Variants in NAV3 observed in about 807,000 individuals in gnomAD.
NAV3 encodes the protein pore membrane and/or filament interacting like protein 1.
A neutral mutation model predicts 244.7 loss-of-function variants in NAV3; 87 were observed. The observed-to-expected ratio is 0.36, with a 90% CI of 0.30 to 0.42. The LOEUF is 0.42. Ranked by LOEUF, NAV3 falls within the 20% of genes least tolerant of loss-of-function variation. The pLI is 1.00. For synonymous variants in NAV3, 1,126 were observed against 1,042.2 expected (o/e 1.08, Z -1.55); for missense variants, 2,663 against 2,893.3 (o/e 0.92, Z 1.83).
At chr12:77,737,133 A>T (rs2049584) in intron 2 of NAV3, among the ~76,000 whole-genome samples, 2 of 123,560 alleles carry the variant, frequency 1.6e-5, no homozygotes, top group Admixed American at 7.3e-5. Context: ...GGAAACATTT[A>T]AAAAAAAAAT....
At chr12:78,143,913 G>A (rs769330440) in intron 20 of NAV3, among the ~76,000 whole-genome samples, 1 of 152,082 alleles carries the variant, frequency 6.6e-6, no homozygotes, top group Non-Finnish European at 1.5e-5. Flanking sequence ...AGCTAAATTT[G>A]GGTGGCTAGT....
intron 2 of NAV3, among the ~76,000 whole-genome samples, chr12:77,581,058 G>A (rs1164628358): frequency 1.3e-5 from 2 of 152,084 alleles, no homozygotes; most frequent in African/African-American, 4.8e-5. Context: ...AGAAGTTAAG[G>A]GAGGCTGGCC....
At chr12:77,674,604 G>A (rs117283835) in intron 2 of NAV3, among the ~76,000 whole-genome samples, 2,713 of 151,920 alleles carry the variant, frequency 0.018, 37 homozygotes, top group South Asian at 0.032. Context: ...TGCCCAGGGT[G>A]ACCTCAAACT....
intron 3 of NAV3, among the ~76,000 whole-genome samples, chr12:77,949,685 CAT>C (rs1890691628): frequency 6.6e-6 from 1 of 151,888 alleles, no homozygotes; most frequent in African/African-American, 2.4e-5. Context: ...AATTAATAAA[CAT>C]ATATTGAAAC....
chr12:77,683,519 C>T (rs1015478540), intron 2 of NAV3, among the ~76,000 whole-genome samples: 7 of 151,820 alleles, frequency 4.6e-5, no homozygotes, highest in African/African-American at 1.7e-4. Context: ...TTTGTGATTC[C>T]GTATGAATTT....
At chr12:78,160,321 G>A (rs1957474730) in intron 23 of NAV3, among the ~76,000 whole-genome samples, 1 of 151,612 alleles carries the variant, frequency 6.6e-6, no homozygotes, top group African/African-American at 2.4e-5. Flanking sequence ...TTAGTCCAGT[G>A]GCCTTAACTT....
At chr12:77,666,742 A>G (rs1015061624) in intron 2 of NAV3, among the ~76,000 whole-genome samples, 1 of 152,174 alleles carries the variant, frequency 6.6e-6, no homozygotes, top group Non-Finnish European at 1.5e-5. Context: ...CACATCAGAT[A>G]GGAGGAGAAA....
chr12:77,818,109 T>C (rs997518660), intron 2 of NAV3, among the ~76,000 whole-genome samples: 1 of 148,716 alleles, frequency 6.7e-6, no homozygotes, highest in African/African-American at 2.4e-5. Context: ...AAAGGATTTC[T>C]TCCTGATGAA....
intron 7 of NAV3, among the ~76,000 whole-genome samples, chr12:78,001,888 TCTC>T (rs1354408502): frequency 6.6e-6 from 1 of 152,208 alleles, no homozygotes; most frequent in Non-Finnish European, 1.5e-5. Context: ...TTCAGTTTCT[TCTC>T]CTGATGACCT....
chr12:77,712,259 C>T (rs1040180356), intron 2 of NAV3, among the ~76,000 whole-genome samples: 4 of 152,166 alleles, frequency 2.6e-5, no homozygotes, highest in African/African-American at 7.2e-5. Flanking sequence ...AACAAAATCA[C>T]TGGACCAATG....
chr12:77,942,410 A>C (rs1889964480), intron 3 of NAV3, among the ~76,000 whole-genome samples: 1 of 151,696 alleles, frequency 6.6e-6, no homozygotes, highest in African/African-American at 2.4e-5. Flanking sequence ...AAAATCAAAT[A>C]ATAAAATAAA....
intron 24 of NAV3, among the ~76,000 whole-genome samples, chr12:78,169,456 C>T (rs1957913564): frequency 1.3e-5 from 2 of 151,748 alleles, no homozygotes; most frequent in Non-Finnish European, 3.0e-5. Flanking sequence ...TGCCCCTACC[C>T]CTGGGTTCAC....
At chr12:77,907,700 A>G (rs909853645) in intron 1 of NAV3, among the ~76,000 whole-genome samples, 1 of 152,100 alleles carries the variant, frequency 6.6e-6, no homozygotes, top group African/African-American at 2.4e-5. Context: ...TAACAACCCT[A>G]TAGAAGAGGT....
chr12:78,115,837 G>A (rs1955349758), intron 12 of NAV3, among the ~76,000 whole-genome samples: 1 of 152,154 alleles, frequency 6.6e-6, no homozygotes, highest in South Asian at 2.1e-4. Flanking sequence ...ATCTAGGTTT[G>A]TATAAGTACA....
At chr12:78,077,495 G>T (rs185872732) in intron 12 of NAV3, among the ~76,000 whole-genome samples, 29 of 152,292 alleles carry the variant, frequency 1.9e-4, no homozygotes, top group African/African-American at 6.7e-4. Context: ...TACAATTTGG[G>T]TTTTTTCCAT....
At chr12:77,849,707 G>C (rs981469335) in intron 1 of NAV3, among the ~76,000 whole-genome samples, 2 of 152,052 alleles carry the variant, frequency 1.3e-5, no homozygotes, top group African/African-American at 4.8e-5. Flanking sequence ...AAGCACTTCT[G>C]GTCCCAAGAA....
rs375869353 is a variant in NAV3, at chr12:77,869,571, A to G, written c.243+37867A>G. Among the ~76,000 whole-genome samples, 136 of 152,186 alleles carry G rather than the reference A, an allele frequency of 8.9e-4. 3 individuals carry two copies. In the South Asian group the frequency reaches 0.026, roughly 29 times the overall value. On this transcript the variant is annotated intron_variant, in intron 1 of 39. Transcript: ENST00000397909. ...AATTCCATTTCTGCAGTTTCCTTCC[A>G]TTACTCTTAACCTCGTTAACTCTTA...
chr12:77,646,386 G>C (rs1043848658), intron 2 of NAV3, among the ~76,000 whole-genome samples: 2 of 152,136 alleles, frequency 1.3e-5, no homozygotes, highest in Non-Finnish European at 2.9e-5. Flanking sequence ...CAGAGAAAGC[G>C]GAAGTTTTCT....
At chr12:77,808,137 A>G (rs1316062775) in intron 2 of NAV3, among the ~76,000 whole-genome samples, 1 of 152,088 alleles carries the variant, frequency 6.6e-6, no homozygotes, top group Non-Finnish European at 1.5e-5. Context: ...TTTAGCTTGG[A>G]GGAGTTTGTT....
Sources: allele counts gnomAD v4.1 joint callset (sites outside exome capture counted in the v4.1 genomes callset), GRCh38; gene constraint gnomAD v4.1.1; transcripts MANE v1.5; gene names NCBI Gene and HGNC (gene_info 2026-07-23, HGNC 2026-07-21).